Variants in VTI1A observed in about 807,000 individuals in gnomAD.
VTI1A encodes the protein vesicle transport through interaction with t-SNAREs 1A, also known as vesicle transport through interaction with t-SNAREs homolog 1A.
In VTI1A, 22 loss-of-function variants were observed where a neutral mutation model predicts 34.9. The ratio of observed to expected loss-of-function variants is 0.63; its 90% CI spans 0.45 to 0.90. The LOEUF (loss-of-function observed/expected upper bound fraction) is 0.90. Among genes scored for constraint, VTI1A ranks in the 40% least tolerant of loss-of-function variants. The probability of loss-of-function intolerance (pLI) is 0.00; values close to 1 mark genes in which losing one functional copy is unlikely to be tolerated. For missense variants in VTI1A, 268 were observed against 275.6 expected (o/e 0.97, Z 0.20); for synonymous variants, 87 against 97.3 (o/e 0.89, Z 0.62).
chr10:112,646,758 G>A (rs186474596), intron 5 of VTI1A, among the ~76,000 whole-genome samples: 2 of 151,974 alleles, frequency 1.3e-5, no homozygotes, highest in African/African-American at 4.8e-5. Context: ...TGATCCACCC[G>A]CCTCAGCCTC....
chr10:112,853,846 G>T, the VTI1A span, among the ~76,000 whole-genome samples: 2 of 152,172 alleles, frequency 1.3e-5, no homozygotes, highest in Non-Finnish European at 2.9e-5. Flanking sequence ...GCTACACTCC[G>T]TGGACTCCTC....
intron 5 of VTI1A, among the ~76,000 whole-genome samples, chr10:112,553,467 T>G (rs1008104836): frequency 6.6e-6 from 1 of 152,260 alleles, no homozygotes; most frequent in African/African-American, 2.4e-5. Flanking sequence ...TTGTACTAAT[T>G]TGCATAGTAA....
At chr10:112,687,265 GCT>G (rs1327611353) in intron 7 of VTI1A, among the ~76,000 whole-genome samples, 1 of 73,648 alleles carries the variant, frequency 1.4e-5, no homozygotes, top group Non-Finnish European at 2.5e-5. Context: ...ACGGAGTTTT[GCT>G]CTGTCTCCCA....
Position 112,453,592 on chromosome 10 carries a change from G to A in VTI1A, c.94+6125G>A, listed in dbSNP as rs377072473. Among the ~76,000 whole-genome samples, 462 of 152,000 alleles carry A rather than the reference G, an allele frequency of 3.0e-3. 3 individuals carry two copies. The Middle Eastern group carries it at 0.051, about 17-fold the overall frequency. Reference sequence around the variant, plus strand: ...TTTTCATGTTGCTCAAATTGTTTTAGCGTTGACCATTGGGAGCCTTTTTTT... The same window carrying A: ...TTTTCATGTTGCTCAAATTGTTTTAACGTTGACCATTGGGAGCCTTTTTTT... On this transcript the variant is annotated intron_variant, in intron 1 of 7. Coordinates refer to ENST00000393077, the MANE Select transcript of VTI1A (RefSeq NM_145206.4).
intron 7 of VTI1A, among the ~76,000 whole-genome samples, chr10:112,784,204 C>T (rs7074334): frequency 0.012 from 1,880 of 152,244 alleles, 44 homozygotes; most frequent in African/African-American, 0.043. Flanking sequence ...GCAGATTCCC[C>T]GTGTGTACGT....
At chr10:112,507,903 A>C (rs576923801) in intron 3 of VTI1A, among the ~76,000 whole-genome samples, 106 of 152,184 alleles carry the variant, frequency 7.0e-4, no homozygotes, top group Non-Finnish European at 1.2e-3. Flanking sequence ...CTCCACCACG[A>C]ATGAGAACAG....
At chr10:112,604,068 G>A (rs946786932) in intron 5 of VTI1A, among the ~76,000 whole-genome samples, 2 of 152,120 alleles carry the variant, frequency 1.3e-5, no homozygotes, top group Non-Finnish European at 1.5e-5. Flanking sequence ...TGGTTTGAGG[G>A]TTAACACAGG....
At chr10:112,706,711 A>G (rs1429308783) in intron 7 of VTI1A, among the ~76,000 whole-genome samples, 5 of 152,118 alleles carry the variant, frequency 3.3e-5, no homozygotes, top group Non-Finnish European at 7.4e-5. Context: ...TTCGACTTAC[A>G]TGCACTCAAG....
chr10:112,768,396 C>T (rs931555627), intron 7 of VTI1A, among the ~76,000 whole-genome samples: 10 of 152,300 alleles, frequency 6.6e-5, no homozygotes, highest in African/African-American at 2.4e-4. Flanking sequence ...CTTAGCTTTG[C>T]AAGTTGGCCT....
At chr10:112,492,769 G>A (rs943261601) in intron 3 of VTI1A, among the ~76,000 whole-genome samples, 1 of 144,032 alleles carries the variant, frequency 6.9e-6, no homozygotes, top group African/African-American at 2.6e-5. Flanking sequence ...CCTGGCAACA[G>A]TCTCAAAAAA....
chr10:112,614,982 C>CCAAGGAAAGGGATGGAGTA (rs1231759961), intron 5 of VTI1A, among the ~76,000 whole-genome samples: 3 of 151,544 alleles, frequency 2.0e-5, no homozygotes, highest in Non-Finnish European at 4.4e-5. Context: ...ATGGATCAAT[C>CCAAGGAAAGGGATGGAGTA]CAAGGAAAGG....
At chr10:112,762,259 C>G (rs1851494132) in intron 7 of VTI1A, among the ~76,000 whole-genome samples, 1 of 152,106 alleles carries the variant, frequency 6.6e-6, no homozygotes, top group Non-Finnish European at 1.5e-5. Context: ...TCAGATGCAG[C>G]TCTGTAGCTA....
intron 7 of VTI1A, among the ~76,000 whole-genome samples, chr10:112,708,567 A>G (rs939821179): frequency 2.6e-5 from 4 of 152,148 alleles, no homozygotes; most frequent in Non-Finnish European, 5.9e-5. Flanking sequence ...TCTTTTAGTT[A>G]TTCTACTTAT....
At chr10:112,794,136 G>C (rs1367494964) in intron 7 of VTI1A, among the ~76,000 whole-genome samples, 2 of 151,984 alleles carry the variant, frequency 1.3e-5, no homozygotes, top group African/African-American at 4.8e-5. Context: ...GGGGAAGAGG[G>C]GGCTGGATCA....
intron 7 of VTI1A, among the ~76,000 whole-genome samples, chr10:112,711,688 G>A (rs1849422375): frequency 2.6e-5 from 4 of 152,176 alleles, no homozygotes; most frequent in Admixed American, 2.0e-4. Flanking sequence ...GAACAAGATG[G>A]AGAATACGCC....
intron 5 of VTI1A, among the ~76,000 whole-genome samples, chr10:112,633,091 G>T (rs900090572): frequency 6.6e-6 from 1 of 152,172 alleles, no homozygotes; most frequent in African/African-American, 2.4e-5. Context: ...GGAGGCTGAG[G>T]CGGGCAGATC....
chr10:112,736,055 G>A lies in VTI1A; in HGVS notation c.560+67057G>A, dbSNP rs6585181. Among the ~76,000 whole-genome samples the A allele has an allele frequency of 3.1e-3, 437 of 140,674 alleles. 5 individuals are homozygous for A. Among genetic ancestry groups the A allele is most frequent in the African/African-American group, 0.01 (376 of 37,404 alleles). The allele number at this position is 140,674 out of a possible 152,430, so 92.3% of individuals were successfully genotyped here. Reference sequence around the variant, plus strand: ...TATATATAGTATATGTTTATATACTGTATAATATATTTTATATTTTTATAT... The same window carrying A: ...TATATATAGTATATGTTTATATACTATATAATATATTTTATATTTTTATAT... On this transcript the variant is annotated intron_variant, in intron 7 of 7. Coordinates refer to ENST00000393077, the MANE Select transcript of VTI1A (RefSeq NM_145206.4).
At chr10:112,808,624 CAAAAAAAAA>C (rs760656671) in intron 7 of VTI1A, among the ~76,000 whole-genome samples, 6 of 59,592 alleles carry the variant, frequency 1.0e-4, no homozygotes, top group Non-Finnish European at 2.0e-4. Flanking sequence ...GACTCCATCT[CAAAAAAAAA>C]AAAAAAAAAA....
At chr10:112,842,364 G>C in the VTI1A span, among the ~76,000 whole-genome samples, 1 of 152,134 alleles carries the variant, frequency 6.6e-6, no homozygotes, top group African/African-American at 2.4e-5. Context: ...ATTACAGCCA[G>C]GTGTTTACTA....
Sources: gnomAD v4.1 joint callset for allele counts (sites outside exome capture counted in the v4.1 genomes callset) on GRCh38, gnomAD v4.1.1 for gene constraint, MANE v1.5 for transcripts, NCBI Gene and HGNC (gene_info 2026-07-23, HGNC 2026-07-21) for gene names.